Variants in SLC24A2 observed in about 807,000 individuals in gnomAD.
SLC24A2 encodes solute carrier family 24 member 2.
In SLC24A2, 36 loss-of-function variants were observed where a neutral mutation model predicts 62.0. The ratio of observed to expected loss-of-function variants is 0.58; its 90% CI spans 0.44 to 0.77. The LOEUF (loss-of-function observed/expected upper bound fraction) is 0.77, where lower values mean the gene tolerates loss of function less well. SLC24A2 is among the 30% of genes least tolerant of loss of function. The pLI, the probability that SLC24A2 is intolerant of heterozygous loss-of-function variation, is 0.00. For missense variants in SLC24A2, 846 were observed against 817.9 expected, an observed-to-expected ratio of 1.03 and a Z score of -0.42; for synonymous variants, 358 against 294.0, an observed-to-expected ratio of 1.22 and a Z score of -2.23.
the SLC24A2 span, among the ~76,000 whole-genome samples, chr9:20,032,440 C>T: frequency 3.9e-5 from 6 of 152,020 alleles, no homozygotes; most frequent in Non-Finnish European, 8.8e-5. Flanking sequence ...TTGTAAAGTG[C>T]AATAATTACA....
At chr9:20,295,036 G>GTATGTATATATATATATATATATATA in the SLC24A2 span, among the ~76,000 whole-genome samples, 4 of 145,622 alleles carry the variant, frequency 2.7e-5, no homozygotes, top group African/African-American at 1.0e-4. Context: ...GTGTATATAT[G>GTATGTATATATATATATATATATATA]TATATATATA....
the SLC24A2 span, among the ~76,000 whole-genome samples, chr9:20,176,801 A>G: frequency 1.3e-5 from 2 of 152,146 alleles, no homozygotes; most frequent in African/African-American, 4.8e-5. Context: ...CTAAATACAA[A>G]AAGCAAGTTG....
chr9:19,824,748 T>C, the SLC24A2 span, among the ~76,000 whole-genome samples: 1 of 152,186 alleles, frequency 6.6e-6, no homozygotes, highest in Non-Finnish European at 1.5e-5. Flanking sequence ...CTGTTCACAA[T>C]AGCAAAGATT....
chr9:20,233,623 T>C, the SLC24A2 span, among the ~76,000 whole-genome samples: 1 of 152,374 alleles, frequency 6.6e-6, no homozygotes, highest in Admixed American at 6.5e-5. Context: ...TGTGTGTCTC[T>C]GCACATGAGA....
At chr9:19,581,674 A>C (rs1362753985) in intron 5 of SLC24A2, among the ~76,000 whole-genome samples, 1 of 152,194 alleles carries the variant, frequency 6.6e-6, no homozygotes, top group East Asian at 1.9e-4. Context: ...TTAAAATAGA[A>C]TTGATGCCTA....
At chr9:19,608,616 T>G (rs934664365) in intron 4 of SLC24A2, among the ~76,000 whole-genome samples, 1 of 152,160 alleles carries the variant, frequency 6.6e-6, no homozygotes, top group African/African-American at 2.4e-5. Context: ...AGGTAAAACA[T>G]GCATATGACT....
At chr9:19,768,337 C>T (rs1191296273) in intron 2 of SLC24A2, among the ~76,000 whole-genome samples, 2 of 152,192 alleles carry the variant, frequency 1.3e-5, no homozygotes, top group African/African-American at 4.8e-5. Context: ...CACTCCAAAG[C>T]TTCTCTTACC....
chr9:19,969,427 T>C, the SLC24A2 span, among the ~76,000 whole-genome samples: 1 of 152,172 alleles, frequency 6.6e-6, no homozygotes, highest in Non-Finnish European at 1.5e-5. Flanking sequence ...CTGAGTCTCA[T>C]GCCAATAAAG....
At chr9:19,657,529 C>A (rs532179845) in intron 2 of SLC24A2, among the ~76,000 whole-genome samples, 1 of 152,014 alleles carries the variant, frequency 6.6e-6, no homozygotes, top group East Asian at 1.9e-4. Context: ...TGTCCTAATG[C>A]GCTCCCTCCC....
chr9:20,237,178 C>A, the SLC24A2 span, among the ~76,000 whole-genome samples: 2 of 152,250 alleles, frequency 1.3e-5, no homozygotes, highest in East Asian at 1.9e-4. Context: ...ACTTTCAGAT[C>A]GTATTTCATT....
the SLC24A2 span, among the ~76,000 whole-genome samples, chr9:20,289,597 T>A: frequency 6.6e-6 from 1 of 152,202 alleles, no homozygotes; most frequent in African/African-American, 2.4e-5. Context: ...AATGTTTAAC[T>A]ACACAAGCAG....
chr9:19,542,860 G>A (rs1248250563), intron 8 of SLC24A2, among the ~76,000 whole-genome samples: 2 of 152,076 alleles, frequency 1.3e-5, no homozygotes, highest in South Asian at 2.1e-4. Flanking sequence ...GGGGATTTTC[G>A]CATCGATGTT....
intron 5 of SLC24A2, among the ~76,000 whole-genome samples, chr9:19,591,107 C>T (rs1365042299): frequency 6.6e-6 from 1 of 152,160 alleles, no homozygotes; most frequent in Non-Finnish European, 1.5e-5. Context: ...TCTTCTCTAT[C>T]AATTAGCTAG....
the SLC24A2 span, among the ~76,000 whole-genome samples, chr9:19,972,980 G>C: frequency 6.6e-6 from 1 of 152,106 alleles, no homozygotes; most frequent in South Asian, 2.1e-4. Context: ...GTGGGAAGAG[G>C]ATGATGGGAT....
the SLC24A2 span, among the ~76,000 whole-genome samples, chr9:20,270,493 T>C: frequency 6.6e-6 from 1 of 152,178 alleles, no homozygotes; most frequent in African/African-American, 2.4e-5. Flanking sequence ...ATCCCCACCA[T>C]CAAATTCAAG....
chr9:20,293,354 C>T, the SLC24A2 span, among the ~76,000 whole-genome samples: 1 of 152,176 alleles, frequency 6.6e-6, no homozygotes, highest in Non-Finnish European at 1.5e-5. Context: ...AGATTCCTTC[C>T]CTGACCTCTC....
intron 2 of SLC24A2, among the ~76,000 whole-genome samples, chr9:19,723,779 T>A (rs1366174457): frequency 6.6e-6 from 1 of 151,946 alleles, no homozygotes; most frequent in Non-Finnish European, 1.5e-5. Flanking sequence ...AGAAAAAAAA[T>A]TATAGCAAAA....
chr9:20,303,759 T>A, the SLC24A2 span, among the ~76,000 whole-genome samples: 1 of 152,202 alleles, frequency 6.6e-6, no homozygotes, highest in African/African-American at 2.4e-5. Flanking sequence ...TTCATTTTAT[T>A]TTTAATAGAG....
chr9:19,922,149 A>T, the SLC24A2 span, among the ~76,000 whole-genome samples: 3 of 152,204 alleles, frequency 2.0e-5, no homozygotes, highest in Admixed American at 2.0e-4. Context: ...AGTCTTTTAG[A>T]TTCTAAAAGC....
Sources: allele counts gnomAD v4.1 joint callset (sites outside exome capture counted in the v4.1 genomes callset), GRCh38; gene constraint gnomAD v4.1.1; transcripts MANE v1.5; gene names NCBI Gene and HGNC (gene_info 2026-07-23, HGNC 2026-07-21).